Variants in SAMD5 observed in about 807,000 individuals in gnomAD.
The protein encoded by SAMD5 is sterile alpha motif domain containing 5.
In SAMD5, 13 loss-of-function variants were observed where a neutral mutation model predicts 11.3. That is an observed-to-expected ratio of 1.15 (90% CI 0.75 to 1.83). The LOEUF is 1.83. Ranked by LOEUF, SAMD5 falls within the 40% of genes most tolerant of loss-of-function variation. The pLI is 0.00. For missense variants in SAMD5, 255 were observed against 239.1 expected, an observed-to-expected ratio of 1.07 and a Z score of -0.44; for synonymous variants, 129 against 111.3, an observed-to-expected ratio of 1.16 and a Z score of -1.00.
In SAMD5 at chr6:147,711,556, T is replaced by C. The variant is rs1378037373; in HGVS notation, c.163-25761T>C. Among the ~76,000 whole-genome samples the C allele has an allele frequency of 6.6e-6, 1 of 152,198 alleles. No homozygotes were observed. Among genetic ancestry groups the C allele is most frequent in the Non-Finnish European group, 1.5e-5 (1 of 68,040 alleles). The stretch of plus-strand genomic sequence containing the variant: ...TGTTAATCACTATAAACGGTGGCTG[T>C]AGCAGAGCTGATTCATTTAATTGAG... On this transcript the variant is annotated intron_variant, in intron 1 of 1. Coordinates refer to the SAMD5 transcript ENST00000566741. The surrounding 1 kb of genome is among the most constrained non-coding windows in gnomAD (Gnocchi z 4.1).
intron 1 of SAMD5, among the ~76,000 whole-genome samples, chr6:147,637,732 C>T (rs974386469): frequency 5.9e-5 from 9 of 152,168 alleles, no homozygotes; most frequent in African/African-American, 2.2e-4. Context: ...ATGATGGGGA[C>T]ATGAGGACTT....
chr6:147,514,798 T>C (rs1583063714), intron 1 of SAMD5, among the ~76,000 whole-genome samples: 3 of 152,152 alleles, frequency 2.0e-5, no homozygotes, highest in Non-Finnish European at 2.9e-5. Context: ...CGTAGGAGTG[T>C]TCATCTTCAT....
intron 1 of SAMD5, among the ~76,000 whole-genome samples, chr6:147,597,880 A>T (rs1789555188): frequency 6.6e-6 from 1 of 152,140 alleles, no homozygotes; most frequent in South Asian, 2.1e-4. Context: ...CCATCCTGTC[A>T]TCTGGTCACC....
rs1562321954 is a variant in SAMD5, at chr6:147,564,808, A to G, written c.*352A>G. 2 of 991,726 alleles carry G rather than the reference A, an allele frequency of 2.0e-6. No homozygotes were observed. 61.4% of individuals were successfully genotyped at this position (991,726 alleles called of 1,614,324 possible). ...GGCATTTGAGTCATAACTTAGTTTA[A>G]GTACAATATAACAAAAAGGTAGATT... On this transcript the variant is annotated 3_prime_UTR_variant, in exon 2 of 2. Transcript: ENST00000367474.
At chr6:147,520,626 T>A (rs1046139854) in intron 1 of SAMD5, among the ~76,000 whole-genome samples, 4 of 152,222 alleles carry the variant, frequency 2.6e-5, no homozygotes, top group African/African-American at 7.2e-5. Context: ...TCAGAATATA[T>A]GTTTTATACT....
the SAMD5 span, among the ~76,000 whole-genome samples, chr6:147,813,985 T>C: frequency 3.3e-5 from 5 of 152,242 alleles, no homozygotes; most frequent in Non-Finnish European, 5.9e-5. Context: ...TTGTGTTTAC[T>C]CTATTCTTTG....
In SAMD5 at chr6:147,565,861, C is replaced by T; in HGVS notation, c.*1405C>T. 3.0e-6 allele frequency: 3 copies of T among 985,358 alleles called. No individual in the cohort carries two copies. The highest frequency in any genetic ancestry group is 2.4e-6 in the Non-Finnish European group (2 of 829,862). The allele number at this position is 985,358 out of a possible 1,614,324, so 61.0% of individuals were successfully genotyped here. ...CATGGCAAAAGATGTTGACGTACAA[C>T]TGGCTCCTGAGGCTGTCAATTGTTT... On this transcript the variant is annotated 3_prime_UTR_variant, in exon 2 of 2. Transcript: ENST00000367474.
the SAMD5 span, among the ~76,000 whole-genome samples, chr6:147,897,943 T>TAAAAAAA: frequency 5.9e-3 from 528 of 89,548 alleles, 24 homozygotes; most frequent in African/African-American, 8.3e-3. Flanking sequence ...AGATTTTTCT[T>TAAAAAAA]AAAAAAAAAA....
chr6:147,511,066 C>T (rs1788080835), intron 1 of SAMD5, among the ~76,000 whole-genome samples: 1 of 152,116 alleles, frequency 6.6e-6, no homozygotes, highest in Non-Finnish European at 1.5e-5. Flanking sequence ...TACCTGGGCA[C>T]TTGATAAGGG....
At chr6:147,820,994 GT>G in the SAMD5 span, among the ~76,000 whole-genome samples, 51 of 152,258 alleles carry the variant, frequency 3.3e-4, 1 homozygote, top group East Asian at 3.7e-3. Flanking sequence ...AATGTGTGAA[GT>G]TTTATTAAAG....
At chr6:147,533,875 G>C (rs1323614602) in intron 1 of SAMD5, among the ~76,000 whole-genome samples, 1 of 152,152 alleles carries the variant, frequency 6.6e-6, no homozygotes, top group Non-Finnish European at 1.5e-5. Flanking sequence ...CATTATGCAG[G>C]CTAATCTGCT....
chr6:147,928,046 T>C, the SAMD5 span, among the ~76,000 whole-genome samples: 9 of 152,202 alleles, frequency 5.9e-5, no homozygotes, highest in Non-Finnish European at 1.3e-4. Flanking sequence ...AACTTTTTGA[T>C]GTGCTGCTGG....
intron 1 of SAMD5, among the ~76,000 whole-genome samples, chr6:147,704,150 C>T (rs770230727): frequency 7.2e-5 from 11 of 152,120 alleles, no homozygotes; most frequent in South Asian, 2.1e-4. Flanking sequence ...CTGTCTCAGC[C>T]TCCCAAGGTG....
At position 147,732,724 on chromosome 6, in the gene SAMD5, T is replaced by C. The variant is rs117176325; in HGVS notation, c.163-4593T>C. On this transcript the variant is annotated intron_variant, in intron 1 of 1. Transcript: ENST00000566741. The stretch of plus-strand genomic sequence containing the variant: ...TTGTTTTTGGAATCTTGTTAGAGGA[T>C]AGCTGGCTCTGACATAAACACCCCA... Among the ~76,000 whole-genome samples, 42 of 152,356 alleles carry C rather than the reference T, an allele frequency of 2.8e-4. No homozygotes were observed. In the East Asian group the frequency reaches 7.1e-3, roughly 26 times the overall value.
rs55906300 is a variant in SAMD5, at chr6:147,656,899, CGTGTGTGT to C, written c.163-80391_163-80384del. On this transcript the variant is annotated intron_variant, in intron 1 of 1. Transcript: ENST00000566741. Reference sequence around the variant, plus strand: ...GATAAACCTCCAACAATACAGTATACGTGTGTGTGTGTGTGTGTGTGTGTGTGTGTGTG... The same window carrying C: ...GATAAACCTCCAACAATACAGTATACGTGTGTGTGTGTGTGTGTGTGTGTG... Among the ~76,000 whole-genome samples the C allele has an allele frequency of 6.7e-4, 100 of 149,036 alleles. 1 individual carries two copies. The highest frequency in any genetic ancestry group is 8.6e-4 in the African/African-American group (35 of 40,700).
At chr6:147,924,254 C>T in the SAMD5 span, among the ~76,000 whole-genome samples, 1 of 152,086 alleles carries the variant, frequency 6.6e-6, no homozygotes, top group South Asian at 2.1e-4. Flanking sequence ...ACTAGTTTAG[C>T]AGGGGGAACA....
At chr6:147,737,169 T>C (rs542106954) in intron 1 of SAMD5, 4 of 289,292 alleles carry the variant, frequency 1.4e-5, no homozygotes, top group African/African-American at 8.6e-5. Flanking sequence ...AGTAATGTAT[T>C]TTTTTATCAG....
chr6:147,576,360 C>T (rs565892818), intron 1 of SAMD5, among the ~76,000 whole-genome samples: 3 of 152,142 alleles, frequency 2.0e-5, no homozygotes, highest in East Asian at 3.9e-4. Context: ...AGGCTGGTCT[C>T]GAACTCCTGA....
chr6:147,606,963 C>CAAA (rs11377845), intron 1 of SAMD5, among the ~76,000 whole-genome samples: 1,352 of 131,306 alleles, frequency 0.01, 54 homozygotes, highest in Admixed American at 0.071. Flanking sequence ...CAGCTTTATC[C>CAAA]AAAAAAAAAA....
Sources: allele counts gnomAD v4.1 joint callset (sites outside exome capture counted in the v4.1 genomes callset), GRCh38; gene constraint gnomAD v4.1.1; non-coding constraint Gnocchi (gnomAD v3.1); transcripts MANE v1.5; gene names NCBI Gene and HGNC (gene_info 2026-07-23, HGNC 2026-07-21).